COL15A1: variants seen among roughly 807,000 people sequenced by gnomAD.
COL15A1 encodes the protein collagen type XV alpha 1 chain, also known as collagen alpha-1(XV) chain.
COL15A1 carries 111 observed loss-of-function variants against 165.9 expected under a neutral mutation model. The ratio of observed to expected loss-of-function variants is 0.67; its 90% CI spans 0.57 to 0.78. The LOEUF (loss-of-function observed/expected upper bound fraction) is 0.78, where lower values mean the gene tolerates loss of function less well. Among genes scored for constraint, COL15A1 ranks in the 30% least tolerant of loss-of-function variants. The pLI is 0.00. For missense variants in COL15A1, 1,745 were observed against 1,789.7 expected (o/e 0.98, Z 0.45); for synonymous variants, 659 against 674.8 (o/e 0.98, Z 0.36).
intron 35 of COL15A1, among the ~76,000 whole-genome samples, chr9:99,058,425 G>T (rs1461900618): frequency 1.3e-5 from 2 of 152,146 alleles, no homozygotes; most frequent in African/African-American, 4.8e-5. Context: ...AAAGGAAGAA[G>T]GTGCCGAGTG....
intron 30 of COL15A1, among the ~76,000 whole-genome samples, chr9:99,051,699 G>A (rs1244063029): frequency 6.6e-6 from 1 of 152,146 alleles, no homozygotes; most frequent in African/African-American, 2.4e-5. Context: ...CCACCCGTAA[G>A]CACAGAAGGA....
intron 38 of COL15A1, among the ~76,000 whole-genome samples, 153 bp downstream of exon 38, chr9:99,062,457 C>T (rs1825832876): frequency 6.6e-6 from 1 of 152,146 alleles, no homozygotes; most frequent in Non-Finnish European, 1.5e-5. Context: ...TGGGTGCTAA[C>T]AGGAGGTTCC....
chr9:98,952,260 A>G (rs1276744886), intron 2 of COL15A1, among the ~76,000 whole-genome samples: 1 of 152,184 alleles, frequency 6.6e-6, no homozygotes, highest in Non-Finnish European at 1.5e-5. Flanking sequence ...TGTCAGCTGT[A>G]GGGTGACCTT....
chr9:98,995,657 A>C (rs1838530123), intron 5 of COL15A1, among the ~76,000 whole-genome samples: 1 of 152,022 alleles, frequency 6.6e-6, no homozygotes, highest in Non-Finnish European at 1.5e-5. Context: ...CCAAGGCCCA[A>C]CTCCTTAAAG....
In COL15A1 at chr9:99,070,520, C is replaced by A; in HGVS notation, c.*634C>A. The stretch of plus-strand genomic sequence containing the variant: ...ATGGTGTCTGTTTATGTAACTCTGA[C>A]TTGCTGGAAAAGTTGAAACTCCAAA... On this transcript the variant is annotated 3_prime_UTR_variant, in exon 42 of 42. Coordinates refer to ENST00000375001, the MANE Select transcript of COL15A1 (RefSeq NM_001855.5). 3.1e-6 allele frequency: 1 copy of A among 323,192 alleles called. No individual in the cohort carries two copies. The highest frequency in any genetic ancestry group is 2.3e-5 in the South Asian group (1 of 43,216). 20.0% of individuals were successfully genotyped at this position (323,192 alleles called of 1,614,324 possible). A position where few individuals can be genotyped will look rare whatever the true frequency, so the allele number is the denominator to read the frequency against.
At chr9:98,954,984 T>G (rs1837752145) in intron 2 of COL15A1, among the ~76,000 whole-genome samples, 2 of 152,252 alleles carry the variant, frequency 1.3e-5, no homozygotes, top group Non-Finnish European at 2.9e-5. Flanking sequence ...AAGAGGGTTT[T>G]TCAGGAAATT....
chr9:99,069,621 T>C lies in COL15A1; in HGVS notation c.3954-52T>C. The C allele has an allele frequency of 3.2e-6, 5 of 1,577,106 alleles. No individual in the cohort carries two copies. The East Asian group carries it at 6.8e-5, about 21-fold the overall frequency. On this transcript the variant is annotated intron_variant, in intron 41 of 41. Coordinates refer to ENST00000375001, the MANE Select transcript of COL15A1 (RefSeq NM_001855.5). ...TTATGCCAATTTGCTTACCAAAAAA[T>C]ACCACAAAGAAGTGTCATTTTGAAA...
chr9:99,030,360 CA>C (rs1321579042), intron 16 of COL15A1, among the ~76,000 whole-genome samples: 2 of 152,230 alleles, frequency 1.3e-5, no homozygotes, highest in African/African-American at 4.8e-5. Flanking sequence ...AAATAATGTA[CA>C]ACTCCAACAT....
Position 99,049,847 on chromosome 9 carries a change from C to T in COL15A1, c.2863-7C>T, listed in dbSNP as rs1393098275. 1.3e-5 allele frequency: 21 copies of T among 1,614,132 alleles called. No homozygotes were observed. The highest frequency in any genetic ancestry group is 1.6e-5 in the Non-Finnish European group (19 of 1,180,054). ...GACCTCACCTCTCTTGTTCTCATTA[C>T]CCACAGGCCATTTTCCCAATACCCG... On this transcript the variant is annotated splice_region_variant and splice_polypyrimidine_tract_variant and intron_variant, in intron 29 of 41. Transcript: ENST00000375001.
intron 16 of COL15A1, among the ~76,000 whole-genome samples, chr9:99,031,277 A>G (rs951296648): frequency 2.0e-5 from 3 of 152,108 alleles, no homozygotes; most frequent in African/African-American, 7.2e-5. Context: ...CCCCATTCCT[A>G]GGCCAAGAAC....
chr9:99,069,801 T>C lies in COL15A1; in HGVS notation c.4082T>C (p.Ile1361Thr). Residue 1361 changes from isoleucine (I) to threonine (T), a missense_variant, in exon 42 of 42, where the codon ATT (isoleucine) becomes ACT (threonine). Ile to Thr is a moderately conservative substitution (Grantham distance 89). Transcript: ENST00000375001. ...GCCTCCCCGCTGAGCACGGGGAAGATTCTGGACCAGAAAGCATACAGCTGT... is the reference window on the plus strand; with the variant it reads ...GCCTCCCCGCTGAGCACGGGGAAGACTCTGGACCAGAAAGCATACAGCTGT... ...GLASPLSTGK[I>T]LDQKAYSCAN... is the part of the protein sequence containing the mutation. 1.9e-6 allele frequency: 3 copies of C among 1,614,178 alleles called. No individual in the cohort carries two copies. The highest frequency in any genetic ancestry group is 2.5e-6 in the Non-Finnish European group (3 of 1,180,030).
At chr9:99,036,142 G>T in intron 19 of COL15A1, 28 bp from the exon 20 acceptor site, 6 of 1,586,980 alleles carry the variant, frequency 3.8e-6, no homozygotes, top group Non-Finnish European at 5.2e-6. Flanking sequence ...GTGACTAGAA[G>T]AATATTTATT....
chr9:99,028,761 G>A (rs573878984), intron 16 of COL15A1, among the ~76,000 whole-genome samples: 1 of 152,196 alleles, frequency 6.6e-6, no homozygotes, highest in East Asian at 1.9e-4. Context: ...GGTGATGGGT[G>A]CACCAAAATC....
At chr9:99,023,177 AAG>A (rs369618990) in intron 13 of COL15A1, among the ~76,000 whole-genome samples, 178 bp from the exon 14 acceptor site, 4 of 152,186 alleles carry the variant, frequency 2.6e-5, no homozygotes, top group African/African-American at 9.7e-5. Flanking sequence ...GGGAGGCGGC[AAG>A]AGAGAAGGGT....
Position 98,985,930 on chromosome 9 carries a change from G to T in COL15A1, c.466G>T (p.Val156Leu), listed in dbSNP as rs767075199. 145 of 1,613,912 alleles carry T rather than the reference G, an allele frequency of 9.0e-5. No homozygotes were observed. Among genetic ancestry groups the T allele is most frequent in the Middle Eastern group, 1.6e-4 (1 of 6,084 alleles). ...SQEAAAFSVPVMTHRWNRFAM... is the reference protein window; with the variant it reads ...SQEAAAFSVPLMTHRWNRFAM... ...AGAGGCTGCTGCCTTCTCGGTGCCTGTGATGACCCACAGGTGGAACCGCTT... is the reference window on the plus strand; with the variant it reads ...AGAGGCTGCTGCCTTCTCGGTGCCTTTGATGACCCACAGGTGGAACCGCTT... Residue 156 changes from valine to leucine, a missense_variant, in exon 3 of 42, where the codon GTG becomes TTG. By Grantham distance (32) the Val-to-Leu change is conservative (BLOSUM62 1). Coordinates refer to ENST00000375001, the MANE Select transcript of COL15A1 (RefSeq NM_001855.5).
intron 28 of COL15A1, among the ~76,000 whole-genome samples, chr9:99,048,657 G>C (rs1839533763): frequency 6.6e-6 from 1 of 151,194 alleles, no homozygotes; most frequent in Non-Finnish European, 1.5e-5. Context: ...TCGTCATTTA[G>C]CATTAGGTAT....
intron 6 of COL15A1, among the ~76,000 whole-genome samples, chr9:98,998,701 G>A (rs1376565451): frequency 1.3e-5 from 2 of 152,204 alleles, no homozygotes; most frequent in Non-Finnish European, 2.9e-5. Flanking sequence ...AGGGGTTAAG[G>A]TGAAGGGGCT....
At chr9:99,012,525 T>C (rs1450677518) in intron 9 of COL15A1, among the ~76,000 whole-genome samples, 1 of 152,176 alleles carries the variant, frequency 6.6e-6, no homozygotes, top group Non-Finnish European at 1.5e-5. Flanking sequence ...AGGAACTTTA[T>C]AGTTGCAGAT....
chr9:99,045,717 C>T (rs188734145), intron 26 of COL15A1, among the ~76,000 whole-genome samples: 25 of 152,320 alleles, frequency 1.6e-4, no homozygotes, highest in East Asian at 5.8e-4. Context: ...TTGTAAGTGG[C>T]AGAGTGGGGA....
Sources: allele counts gnomAD v4.1 joint callset (sites outside exome capture counted in the v4.1 genomes callset), GRCh38; gene constraint gnomAD v4.1.1; transcripts MANE v1.5; gene names NCBI Gene and HGNC (gene_info 2026-07-23, HGNC 2026-07-21).